Variants in VAV2 observed in about 807,000 individuals in gnomAD.
VAV2 encodes the protein guanine nucleotide exchange factor VAV2.
A neutral mutation model predicts 132.5 loss-of-function variants in VAV2; 67 were observed. That is an observed-to-expected ratio of 0.51 (90% CI 0.42 to 0.62). VAV2 has a LOEUF of 0.62. VAV2 is among the 20% of genes least tolerant of loss of function. The probability of loss-of-function intolerance (pLI) is 0.00; values close to 1 mark genes in which losing one functional copy is unlikely to be tolerated. For synonymous variants in VAV2, 492 were observed against 443.5 expected (o/e 1.11, Z -1.37); for missense variants, 938 against 1,153.6 (o/e 0.81, Z 2.71).
At chr9:133,934,777 G>A (rs1840843109) in intron 2 of VAV2, among the ~76,000 whole-genome samples, 6 of 152,130 alleles carry the variant, frequency 3.9e-5, no homozygotes, top group Admixed American at 3.9e-4. Flanking sequence ...AGCCTGCTGG[G>A]GGCCCTCCAC....
Position 133,956,277 on chromosome 9 carries a change from G to A in VAV2, c.205-17058C>T, listed in dbSNP as rs184690786. ...TCTCCAGAGGTGCCATGATCCCCTC[G>A]TCTACCCAGCCTCCCCTGGGCCCTG... On this transcript the variant is annotated intron_variant, in intron 1 of 29. Coordinates refer to ENST00000371850, the MANE Select transcript of VAV2 (RefSeq NM_001134398.2). Among the ~76,000 whole-genome samples the A allele has an allele frequency of 4.3e-4, 66 of 152,176 alleles. 1 individual carries two copies. The highest frequency in any genetic ancestry group is 3.8e-3 in the Admixed American group (58 of 15,304).
At position 133,896,076 on chromosome 9, in the gene VAV2, C is replaced by T. The variant is rs1160207399; in HGVS notation, c.322-34644G>A. ...TGGTTTTCCTAGGCAGAGGACCCTG[C>T]GGCCTTCCGCAGTGTTTGTGTCCCT... On this transcript the variant is annotated intron_variant, in intron 2 of 29. Coordinates refer to ENST00000371850, the MANE Select transcript of VAV2 (RefSeq NM_001134398.2). Among the ~76,000 whole-genome samples the T allele has an allele frequency of 1.2e-4, 18 of 147,874 alleles. 4 individuals carry two copies. In the South Asian group the frequency reaches 3.6e-3, roughly 29 times the overall value.
chr9:133,948,965 C>A (rs1841463876), intron 1 of VAV2, among the ~76,000 whole-genome samples: 1 of 152,162 alleles, frequency 6.6e-6, no homozygotes, highest in Admixed American at 6.5e-5. Context: ...GCCTAATCTG[C>A]GGACAACCTG....
At position 133,789,106 on chromosome 9, in the gene VAV2, A is replaced by G. The variant is rs934172661; in HGVS notation, c.1274+152T>C. ...GCCCGCTCGCTGACGAGAAGGAAGG[A>G]AGCAATTAAAACTGAACAACACAAA... On this transcript the variant is annotated intron_variant, in intron 14 of 29. Transcript: ENST00000371850. 1.9e-5 allele frequency: 15 copies of G among 800,528 alleles called. No individual in the cohort carries two copies. The African/African-American group carries it at 2.4e-4, about 13-fold the overall frequency. The allele number at this position is 800,528 out of a possible 1,614,324, so 49.6% of individuals were successfully genotyped here.
chr9:133,925,648 C>G lies in VAV2; in HGVS notation c.321+13455G>C, dbSNP rs113866582. ...CCCTTGCTGCTGGGGATCTGGGAAG[C>G]CCAGCAAGTTCACAGCCACACACTT... On this transcript the variant is annotated intron_variant, in intron 2 of 29. Transcript: ENST00000371850. Among the ~76,000 whole-genome samples, 349 of 152,246 alleles carry G rather than the reference C, an allele frequency of 2.3e-3. 1 individual carries two copies. Among genetic ancestry groups the G allele is most frequent in the African/African-American group, 7.9e-3 (330 of 41,558 alleles).
In VAV2 at chr9:133,991,506, C is replaced by CCCGGGT. The variant is rs911643460; in HGVS notation, c.204+563_204+568dup. Reference sequence around the variant, plus strand: ...GGGAGCCAGGACTGGCGCCAAGTGGCCCGGGTCCGGGTCCGGGAAGAGGCG... The same window carrying CCCGGGT: ...GGGAGCCAGGACTGGCGCCAAGTGGCCCGGGTCCGGGTCCGGGTCCGGGAAGAGGCG... On this transcript the variant is annotated intron_variant, in intron 1 of 29. Coordinates refer to ENST00000371850, the MANE Select transcript of VAV2 (RefSeq NM_001134398.2). This position sits in a 1 kb window ranked among gnomAD's most constrained non-coding sequence, Gnocchi z 4.8. Among the ~76,000 whole-genome samples the CCCGGGT allele has an allele frequency of 6.6e-5, 10 of 152,138 alleles. No individual in the cohort carries two copies. The highest frequency in any genetic ancestry group is 9.6e-5 in the African/African-American group (4 of 41,454).
At chr9:133,940,696 T>C (rs909071733) in intron 1 of VAV2, among the ~76,000 whole-genome samples, 25 of 151,736 alleles carry the variant, frequency 1.6e-4, no homozygotes, top group East Asian at 5.8e-4. Flanking sequence ...TGTGTGTGTG[T>C]GTGTGTGTGT....
chr9:133,904,985 G>T (rs1233365531), intron 2 of VAV2, among the ~76,000 whole-genome samples: 1 of 152,214 alleles, frequency 6.6e-6, no homozygotes, highest in African/African-American at 2.4e-5. Flanking sequence ...TTGGGACACT[G>T]GTGAAGGGAG....
chr9:133,810,229 G>A (rs778809339), intron 5 of VAV2, 24 bp from the exon 6 acceptor site: 2 of 1,613,256 alleles, frequency 1.2e-6, no homozygotes, highest in Non-Finnish European at 8.5e-7. Context: ...GAAAGAACCA[G>A]AAACAGCGCC....
intron 1 of VAV2, among the ~76,000 whole-genome samples, chr9:133,970,969 A>C (rs1324393891): frequency 4.6e-5 from 7 of 152,254 alleles, no homozygotes; most frequent in Non-Finnish European, 8.8e-5. Context: ...TTGCATGAGA[A>C]GGGAATGGTG....
intron 1 of VAV2, among the ~76,000 whole-genome samples, chr9:133,973,515 G>A (rs1425503028): frequency 6.6e-6 from 1 of 152,170 alleles, no homozygotes; most frequent in Admixed American, 6.5e-5. Flanking sequence ...ATCTGCAAAG[G>A]GCAGCGGTGC....
intron 20 of VAV2, 158 bp from the exon 21 acceptor site, chr9:133,780,097 G>A (rs768785604): frequency 4.2e-5 from 40 of 942,122 alleles, no homozygotes; most frequent in African/African-American, 1.5e-4. Context: ...CCTATGGGAC[G>A]CCCCCACCCT....
intron 11 of VAV2, 104 bp downstream of exon 11, chr9:133,796,325 C>T: frequency 2.1e-6 from 2 of 948,208 alleles, no homozygotes; most frequent in South Asian, 3.3e-5. Context: ...CTATATTCAA[C>T]TTAATCTGTC....
At chr9:133,870,837 A>T (rs1837998350) in intron 2 of VAV2, among the ~76,000 whole-genome samples, 1 of 121,514 alleles carries the variant, frequency 8.2e-6, no homozygotes, top group Non-Finnish European at 1.7e-5. Context: ...TGATGAGTGG[A>T]TGGGATGGGC....
At chr9:133,791,547 C>T (rs575647023) in intron 13 of VAV2, among the ~76,000 whole-genome samples, 31 of 151,340 alleles carry the variant, frequency 2.0e-4, no homozygotes, top group African/African-American at 4.6e-4. Context: ...CCGTCCCCCT[C>T]CCCCCGAGCA....
chr9:133,815,838 C>T (rs963863051), intron 4 of VAV2, among the ~76,000 whole-genome samples: 1 of 152,160 alleles, frequency 6.6e-6, no homozygotes, highest in East Asian at 1.9e-4. Context: ...CTTTCTTTTC[C>T]TTTGGAAACA....
intron 2 of VAV2, among the ~76,000 whole-genome samples, chr9:133,876,290 G>A (rs1204732808): frequency 3.9e-5 from 6 of 152,246 alleles, no homozygotes; most frequent in Middle Eastern, 3.2e-3. Context: ...ATCTCCCCTG[G>A]GATGGCCCCA....
In VAV2 at chr9:133,939,230, A is replaced by T; in HGVS notation, c.205-11T>A. 1.9e-6 allele frequency: 3 copies of T among 1,611,828 alleles called. No individual in the cohort carries two copies. The highest frequency in any genetic ancestry group is 2.5e-6 in the Non-Finnish European group (3 of 1,177,828). On this transcript the variant is annotated splice_polypyrimidine_tract_variant and intron_variant, in intron 1 of 29. Coordinates refer to ENST00000371850, the MANE Select transcript of VAV2 (RefSeq NM_001134398.2). ...CTTCAAACACAGAAACTAAAGGGAA[A>T]AAACAAAGGGAGGGCAAGGAAAAAC...
rs1836002957 is a variant in VAV2, at chr9:133,826,732, G to C, written c.449+7540C>G. On this transcript the variant is annotated intron_variant, in intron 4 of 29. Coordinates refer to ENST00000371850, the MANE Select transcript of VAV2 (RefSeq NM_001134398.2). This position sits in a 1 kb window ranked among gnomAD's most constrained non-coding sequence, Gnocchi z 4.2. ...TTGGCCTCTCTTCTGCCCTGAGTGG[G>C]AGCTTTCAAATTTCTCCCGTGTCCC... is the stretch of plus-strand genomic sequence containing the variant. 6.6e-6 allele frequency among the ~76,000 whole-genome samples: 1 copy of C among 152,136 alleles called. No homozygotes were observed.
Sources: gnomAD v4.1 joint callset for allele counts (sites outside exome capture counted in the v4.1 genomes callset) on GRCh38, gnomAD v4.1.1 for gene constraint, Gnocchi (gnomAD v3.1) non-coding constraint, MANE v1.5 for transcripts, NCBI Gene and HGNC (gene_info 2026-07-23, HGNC 2026-07-21) for gene names.